The following PCDH15 variants were observed in gnomAD, a reference collection of about 807,000 sequenced individuals.
PCDH15 encodes the protein protocadherin related 15.
A neutral mutation model predicts 178.5 loss-of-function variants in PCDH15; 129 were observed. The ratio of observed to expected loss-of-function variants is 0.72; its 90% CI spans 0.63 to 0.84. The LOEUF is 0.84. PCDH15 is among the 40% of genes least tolerant of loss of function. The probability of loss-of-function intolerance (pLI) is 0.00; values close to 1 mark genes in which losing one functional copy is unlikely to be tolerated. For missense variants in PCDH15, 2,230 were observed against 2,099.9 expected (o/e 1.06, Z -1.21); for synonymous variants, 800 against 732.0 (o/e 1.09, Z -1.50).
At chr10:55,359,771 CAT>C (rs1408910096) in intron 2 of PCDH15, among the ~76,000 whole-genome samples, 31 of 136,680 alleles carry the variant, frequency 2.3e-4, no homozygotes, top group South Asian at 1.8e-3. Context: ...CACACACACA[CAT>C]ATATATATAT....
intron 15 of PCDH15, among the ~76,000 whole-genome samples, chr10:54,108,307 G>C (rs1315568211): frequency 1.3e-5 from 2 of 152,172 alleles, no homozygotes; most frequent in African/African-American, 4.8e-5. Context: ...GGCAAGAAGA[G>C]AGGATCTGTG....
chr10:54,555,819 A>C (rs1350904888), intron 2 of PCDH15, among the ~76,000 whole-genome samples: 2 of 151,978 alleles, frequency 1.3e-5, no homozygotes, highest in African/African-American at 2.4e-5. Flanking sequence ...ATCACACCTA[A>C]TTTGGACTAT....
intron 2 of PCDH15, among the ~76,000 whole-genome samples, chr10:55,358,243 T>C (rs1845128395): frequency 6.6e-6 from 1 of 152,154 alleles, no homozygotes; most frequent in Non-Finnish European, 1.5e-5. Context: ...ACATTTTGTA[T>C]GATTTGAATA....
intron 1 of PCDH15, among the ~76,000 whole-genome samples, chr10:55,226,440 C>CCTGCAACA (rs1841045257): frequency 2.8e-5 from 2 of 71,138 alleles, no homozygotes; most frequent in Admixed American, 1.5e-4. Context: ...TCACTGCAAC[C>CCTGCAACA]CTGCAACCCT....
At chr10:55,624,754 G>A (rs549841129) in intron 2 of PCDH15, among the ~76,000 whole-genome samples, 51 of 151,934 alleles carry the variant, frequency 3.4e-4, no homozygotes, top group Non-Finnish European at 4.6e-4. Context: ...GGAAAGAGTG[G>A]GAAAAATTAA....
intron 3 of PCDH15, among the ~76,000 whole-genome samples, chr10:54,451,782 T>C (rs546421805): frequency 1.2e-4 from 18 of 151,922 alleles, no homozygotes; most frequent in Non-Finnish European, 2.5e-4. Flanking sequence ...TTAGAGGGGA[T>C]TTCAGTGAGA....
chr10:54,756,092 CACACAA>C (rs1185785394), intron 1 of PCDH15, among the ~76,000 whole-genome samples: 4 of 143,362 alleles, frequency 2.8e-5, no homozygotes, highest in African/African-American at 1.0e-4. Context: ...CACACACACA[CACACAA>C]AATTAGCTGG....
intron 21 of PCDH15, among the ~76,000 whole-genome samples, chr10:53,968,229 C>A (rs552151404): frequency 6.6e-6 from 1 of 152,168 alleles, no homozygotes; most frequent in African/African-American, 2.4e-5. Flanking sequence ...CAGAGGGTCC[C>A]ACACCCATGA....
At chr10:54,746,777 G>A (rs1052513370) in intron 1 of PCDH15, among the ~76,000 whole-genome samples, 61 of 152,004 alleles carry the variant, frequency 4.0e-4, no homozygotes, top group Non-Finnish European at 7.1e-4. Flanking sequence ...TTATTACAGC[G>A]AAAGGCTACA....
intron 2 of PCDH15, among the ~76,000 whole-genome samples, chr10:55,553,157 A>T (rs1589133770): frequency 6.6e-6 from 1 of 151,636 alleles, no homozygotes; most frequent in East Asian, 1.9e-4. Context: ...AGTGATGGTT[A>T]GATTCTTTCA....
At chr10:54,424,274 G>A (rs1955945857) in intron 3 of PCDH15, among the ~76,000 whole-genome samples, 2 of 151,764 alleles carry the variant, frequency 1.3e-5, no homozygotes, top group Admixed American at 1.3e-4. Context: ...ATCATCACTG[G>A]CCATCAGAGA....
chr10:53,946,983 G>T (rs151213142), intron 23 of PCDH15, among the ~76,000 whole-genome samples: 2,296 of 152,120 alleles, frequency 0.015, 65 homozygotes, highest in African/African-American at 0.052. Flanking sequence ...TCACCACCTT[G>T]GCCAGGCTGG....
intron 8 of PCDH15, among the ~76,000 whole-genome samples, chr10:54,283,147 GT>G (rs2058808196): frequency 6.6e-6 from 1 of 152,074 alleles, no homozygotes; most frequent in Non-Finnish European, 1.5e-5. Flanking sequence ...TTTATGCAGT[GT>G]TTTAGAAGGC....
chr10:54,387,022 G>T (rs1225934557), intron 3 of PCDH15, among the ~76,000 whole-genome samples: 14 of 151,826 alleles, frequency 9.2e-5, no homozygotes, highest in Admixed American at 9.2e-4. Context: ...AAGAAGTGAG[G>T]TAATACATAT....
rs780312007 is a variant in PCDH15, at chr10:55,582,628, A to ATC, written c.-156+44996_-156+44997insGA. 7.2e-5 allele frequency among the ~76,000 whole-genome samples: 5 copies of ATC among 69,040 alleles called. 1 individual carries two copies. The Admixed American group carries it at 8.3e-4, about 11-fold the overall frequency. The allele number at this position is 69,040 out of a possible 152,430, so 45.3% of individuals were successfully genotyped here. A position where few individuals can be genotyped will look rare whatever the true frequency, so the allele number is the denominator to read the frequency against. On this transcript the variant is annotated intron_variant, in intron 2 of 5. Transcript: ENST00000613346. ...TATATATATATATATATATATATAT[A>ATC]TTTTTTTTTTTTTGCTATATTTGAT...
chr10:55,206,581 TG>T (rs1378108261), intron 1 of PCDH15, among the ~76,000 whole-genome samples: 2 of 152,164 alleles, frequency 1.3e-5, no homozygotes, highest in African/African-American at 4.8e-5. Context: ...TGTGAACTAT[TG>T]ATTCTTTCTC....
chr10:54,628,981 C>T (rs1256307284), intron 2 of PCDH15, among the ~76,000 whole-genome samples: 2 of 152,088 alleles, frequency 1.3e-5, no homozygotes, highest in Non-Finnish European at 2.9e-5. Context: ...AAAGAATACA[C>T]ACACACACAC....
At chr10:54,858,212 G>A (rs143162180) in intron 3 of PCDH15, among the ~76,000 whole-genome samples, 222 of 152,134 alleles carry the variant, frequency 1.5e-3, no homozygotes, top group African/African-American at 5.1e-3. Context: ...AGACCTCCAG[G>A]TTCATTCATT....
intron 3 of PCDH15, among the ~76,000 whole-genome samples, chr10:54,491,308 C>CA (rs140987485): frequency 0.42 from 55,832 of 133,164 alleles, 12,642 homozygotes; most frequent in African/African-American, 0.63. Context: ...TATGATGTCT[C>CA]AAAAAAAAAA....
Sources: gnomAD v4.1 joint callset for allele counts (sites outside exome capture counted in the v4.1 genomes callset) on GRCh38, gnomAD v4.1.1 for gene constraint, MANE v1.5 for transcripts, NCBI Gene and HGNC (gene_info 2026-07-23, HGNC 2026-07-21) for gene names.